NECAB1: variants seen among roughly 807,000 people sequenced by gnomAD.
The protein encoded by NECAB1 is N-terminal EF-hand calcium binding protein 1, also known as N-terminal EF-hand calcium-binding protein 1.
A neutral mutation model predicts 57.5 loss-of-function variants in NECAB1; 29 were observed. That is an observed-to-expected ratio of 0.50 (90% CI 0.38 to 0.69). NECAB1 has a LOEUF of 0.69. Among genes scored for constraint, NECAB1 ranks in the 30% least tolerant of loss-of-function variants. The pLI is 0.00. For synonymous variants in NECAB1, 142 were observed against 147.7 expected (o/e 0.96, Z 0.28); for missense variants, 372 against 413.8 (o/e 0.90, Z 0.88).
chr8:90,815,337 A>G (rs1218416419), intron 2 of NECAB1, among the ~76,000 whole-genome samples: 1 of 152,170 alleles, frequency 6.6e-6, no homozygotes, highest in Admixed American at 6.5e-5. Flanking sequence ...CATTCCTAAT[A>G]CAGTTAAATT....
chr8:90,814,378 C>T (rs1349561646), intron 2 of NECAB1, among the ~76,000 whole-genome samples: 1 of 152,100 alleles, frequency 6.6e-6, no homozygotes, highest in Non-Finnish European at 1.5e-5. Flanking sequence ...AAAGTTTACT[C>T]TTTCACCTCT....
rs1808544053 is a variant in NECAB1, at chr8:90,867,647, T to A, written c.234-4481T>A. Among the ~76,000 whole-genome samples, 3 of 152,402 alleles carry A rather than the reference T, an allele frequency of 2.0e-5. No individual in the cohort carries two copies. The South Asian group carries it at 6.2e-4, about 32-fold the overall frequency. On this transcript the variant is annotated intron_variant, in intron 3 of 12. Transcript: ENST00000417640. ...CAGTCGAGATATAGGTAAATAGATTTATTTGTTTATCAATTATACAAATGC... is the reference window on the plus strand; with the variant it reads ...CAGTCGAGATATAGGTAAATAGATTAATTTGTTTATCAATTATACAAATGC...
intron 6 of NECAB1, among the ~76,000 whole-genome samples, chr8:90,921,639 A>G (rs1810116155): frequency 6.6e-6 from 1 of 151,558 alleles, no homozygotes; most frequent in Non-Finnish European, 1.5e-5. Flanking sequence ...GCGCCACTAC[A>G]CTCCATCCTG....
chr8:90,872,220 T>A, intron 4 of NECAB1, 67 bp downstream of exon 4: 1 of 1,260,178 alleles, frequency 7.9e-7, no homozygotes, highest in Non-Finnish European at 1.1e-6. Context: ...TATTGTCTGA[T>A]ATATATCAAC....
intron 5 of NECAB1, among the ~76,000 whole-genome samples, chr8:90,904,906 T>G (rs926772029): frequency 6.6e-6 from 1 of 152,110 alleles, no homozygotes; most frequent in African/African-American, 2.4e-5. Context: ...AGAGTTAAAT[T>G]CTGAATCCAT....
intron 3 of NECAB1, among the ~76,000 whole-genome samples, chr8:90,827,136 G>A (rs980517680): frequency 6.6e-6 from 1 of 151,948 alleles, no homozygotes; most frequent in African/African-American, 2.4e-5. Flanking sequence ...ATCTTTGCAT[G>A]ATCCAAGTTT....
At chr8:90,813,167 G>GA (rs1478526013) in intron 2 of NECAB1, 1 of 151,946 alleles carries the variant, frequency 6.6e-6, no homozygotes, top group Non-Finnish European at 1.5e-5. Context: ...CAACCTGGGC[G>GA]AAAGAGCGAG....
chr8:90,804,664 A>G (rs1227941842), intron 2 of NECAB1, among the ~76,000 whole-genome samples: 1 of 152,192 alleles, frequency 6.6e-6, no homozygotes, highest in Non-Finnish European at 1.5e-5. Context: ...TAACAATTAA[A>G]ATAAAAGAGG....
chr8:90,878,917 C>CTCTATA (rs1554570653), intron 4 of NECAB1, among the ~76,000 whole-genome samples: 3 of 146,236 alleles, frequency 2.1e-5, no homozygotes, highest in African/African-American at 7.5e-5. Context: ...CTCTCTCTCT[C>CTCTATA]TATATATATA....
chr8:90,863,595 C>G (rs1313611178), intron 3 of NECAB1, among the ~76,000 whole-genome samples: 1 of 152,070 alleles, frequency 6.6e-6, no homozygotes, highest in East Asian at 1.9e-4. Context: ...TTAGCAAAAA[C>G]AATTTATATA....
chr8:90,929,032 C>CACTG (rs2130184974), intron 8 of NECAB1, among the ~76,000 whole-genome samples: 1 of 152,280 alleles, frequency 6.6e-6, no homozygotes, highest in East Asian at 1.9e-4. Flanking sequence ...TTTGTGACAG[C>CACTG]ACTGACTTTG....
intron 5 of NECAB1, among the ~76,000 whole-genome samples, chr8:90,886,886 AT>A (rs1809008620): frequency 6.6e-6 from 1 of 151,960 alleles, no homozygotes; most frequent in African/African-American, 2.4e-5. Context: ...ATTCAAGCTT[AT>A]TTTTATGTCT....
At chr8:90,851,628 G>A (rs1424012716) in intron 3 of NECAB1, among the ~76,000 whole-genome samples, 1 of 152,098 alleles carries the variant, frequency 6.6e-6, no homozygotes, top group Non-Finnish European at 1.5e-5. Context: ...TTAGTTTTTA[G>A]AGCAGGTTTA....
chr8:90,880,954 G>C, intron 4 of NECAB1, 79 bp from the exon 5 acceptor site: 1 of 1,026,130 alleles, frequency 9.7e-7, no homozygotes, highest in Non-Finnish European at 1.5e-6. Context: ...CATTTAAGGA[G>C]TAAATAATTA....
At chr8:90,875,965 A>G (rs1273019409) in intron 4 of NECAB1, among the ~76,000 whole-genome samples, 1 of 151,948 alleles carries the variant, frequency 6.6e-6, no homozygotes, top group Non-Finnish European at 1.5e-5. Context: ...AGCTGAGATC[A>G]GGCCACTGCA....
intron 3 of NECAB1, among the ~76,000 whole-genome samples, chr8:90,842,114 T>C (rs755744951): frequency 2.6e-5 from 4 of 152,084 alleles, no homozygotes; most frequent in Admixed American, 6.5e-5. Flanking sequence ...GATGGGATAA[T>C]TGGTGCAGTA....
At chr8:90,799,078 G>A (rs1811717675) in intron 1 of NECAB1, among the ~76,000 whole-genome samples, 1 of 152,106 alleles carries the variant, frequency 6.6e-6, no homozygotes. Flanking sequence ...TTTTTCGTAT[G>A]TTTGTTGGCC....
intron 2 of NECAB1, among the ~76,000 whole-genome samples, chr8:90,814,298 T>G (rs1402475374): frequency 3.9e-5 from 6 of 152,198 alleles, no homozygotes; most frequent in Non-Finnish European, 8.8e-5. Flanking sequence ...ATATGATCAA[T>G]ATGATTTAGG....
intron 2 of NECAB1, among the ~76,000 whole-genome samples, chr8:90,815,292 C>G (rs535597599): frequency 1.3e-3 from 201 of 152,156 alleles, no homozygotes; most frequent in African/African-American, 4.8e-3. Flanking sequence ...GTTAGCACCA[C>G]TCTCCCTCAA....
Sources: allele counts gnomAD v4.1 joint callset (sites outside exome capture counted in the v4.1 genomes callset), GRCh38; gene constraint gnomAD v4.1.1; transcripts MANE v1.5; gene names NCBI Gene and HGNC (gene_info 2026-07-23, HGNC 2026-07-21).